Variants in MIR2052HG observed in about 807,000 individuals in gnomAD.
MIR2052HG encodes MIR2052 host gene.
chr8:74,642,247 G>A (rs951675899), intron 2 of MIR2052HG, among the ~76,000 whole-genome samples: 15 of 151,992 alleles, frequency 9.9e-5, no homozygotes, highest in Non-Finnish European at 4.4e-5. Context: ...GATCACAGTG[G>A]TTAATGTGCG....
At chr8:74,713,216 T>A (rs146167644) in intron 4 of MIR2052HG, among the ~76,000 whole-genome samples, 4 of 152,346 alleles carry the variant, frequency 2.6e-5, no homozygotes, top group Non-Finnish European at 5.9e-5. Context: ...GGTGTTATAA[T>A]TTGAAATGCA....
intron 4 of MIR2052HG, among the ~76,000 whole-genome samples, chr8:74,750,091 A>G (rs1809928887): frequency 6.6e-6 from 1 of 152,176 alleles, no homozygotes; most frequent in African/African-American, 2.4e-5. Flanking sequence ...AATGGTGACT[A>G]TATTGAAATG....
At chr8:74,603,602 C>T in intron 1 of MIR2052HG, 3 of 1,540,950 alleles carry the variant, frequency 1.9e-6, no homozygotes, top group East Asian at 2.2e-5. Flanking sequence ...TGTTGCATTG[C>T]CAACTGGTGC....
rs1366489081 is a variant in MIR2052HG at position 74,657,103 on chromosome 8, A to G, written n.216+44163A>G. 2.6e-5 allele frequency among the ~76,000 whole-genome samples: 4 copies of G among 152,166 alleles called. No individual in the cohort carries two copies. In the East Asian group the frequency reaches 7.7e-4, roughly 29 times the overall value. On this transcript the variant is annotated intron_variant and non_coding_transcript_variant, in intron 2 of 6. Transcript: ENST00000523442. ...ACTGCAGCATACAGGGAGAGTACTC[A>G]TTACCCAGGCAGTGGTTACCCTTTC... is the stretch of plus-strand genomic sequence containing the variant.
intron 1 of MIR2052HG, among the ~76,000 whole-genome samples, chr8:74,605,391 A>G (rs946391908): frequency 6.6e-6 from 1 of 152,198 alleles, no homozygotes; most frequent in African/African-American, 2.4e-5. Context: ...GGCATTTCAC[A>G]ATGAAGTATT....
chr8:74,611,234 A>G (rs746424049), intron 1 of MIR2052HG, among the ~76,000 whole-genome samples: 3 of 152,144 alleles, frequency 2.0e-5, no homozygotes, highest in African/African-American at 7.2e-5. Flanking sequence ...TCAATTTTTC[A>G]TTAGGGAAAT....
intron 4 of MIR2052HG, among the ~76,000 whole-genome samples, chr8:74,706,062 A>G (rs1033765712): frequency 2.6e-5 from 4 of 152,108 alleles, no homozygotes; most frequent in Non-Finnish European, 5.9e-5. Context: ...CACATGTGTT[A>G]ACTGTTCAGC....
chr8:74,679,951 T>A (rs1809101861), intron 2 of MIR2052HG, among the ~76,000 whole-genome samples: 1 of 152,158 alleles, frequency 6.6e-6, no homozygotes, highest in South Asian at 2.1e-4. Context: ...TAATGTAGGT[T>A]CTACTAGCAA....
chr8:74,661,026 C>T (rs1808858761), intron 2 of MIR2052HG, among the ~76,000 whole-genome samples: 1 of 152,050 alleles, frequency 6.6e-6, no homozygotes, highest in African/African-American at 2.4e-5. Context: ...CAAAAATCTG[C>T]TCTGTCAGCA....
At chr8:74,659,637 G>C (rs1297052499) in intron 2 of MIR2052HG, among the ~76,000 whole-genome samples, 18 of 152,080 alleles carry the variant, frequency 1.2e-4, no homozygotes. Context: ...GTAGATATGG[G>C]ATCTCACTAT....
chr8:74,713,437 A>G (rs1278578882), intron 4 of MIR2052HG, among the ~76,000 whole-genome samples: 1 of 151,776 alleles, frequency 6.6e-6, no homozygotes, highest in Non-Finnish European at 1.5e-5. Flanking sequence ...CAAAATCCGC[A>G]CCTTTTTTTC....
chr8:74,602,236 C>T (rs990509016), intron 1 of MIR2052HG, among the ~76,000 whole-genome samples: 1 of 152,152 alleles, frequency 6.6e-6, no homozygotes, highest in African/African-American at 2.4e-5. Context: ...TTTGATCATC[C>T]TCACTGCTTA....
intron 4 of MIR2052HG, among the ~76,000 whole-genome samples, chr8:74,735,564 A>G (rs934471144): frequency 1.3e-5 from 2 of 152,204 alleles, no homozygotes; most frequent in Non-Finnish European, 2.9e-5. Flanking sequence ...CCTGCTGCTC[A>G]GTTGTGCTTG....
At chr8:74,750,330 G>T (rs1006312167) in intron 4 of MIR2052HG, among the ~76,000 whole-genome samples, 3 of 152,116 alleles carry the variant, frequency 2.0e-5, no homozygotes, top group Non-Finnish European at 4.4e-5. Flanking sequence ...CAGTTATGTA[G>T]GTGCAATTGA....
At chr8:74,686,722 A>T (rs1809185621) in intron 2 of MIR2052HG, among the ~76,000 whole-genome samples, 1 of 152,094 alleles carries the variant, frequency 6.6e-6, no homozygotes, top group Non-Finnish European at 1.5e-5. Context: ...TCCATAGATT[A>T]TTCTGTAAAC....
At chr8:74,703,409 G>A (rs917513825) in intron 3 of MIR2052HG, among the ~76,000 whole-genome samples, 1 of 151,984 alleles carries the variant, frequency 6.6e-6, no homozygotes, top group African/African-American at 2.4e-5. Flanking sequence ...ACTAGGGAAT[G>A]GGAAATACCT....
chr8:74,741,161 T>G (rs992789585), intron 4 of MIR2052HG, among the ~76,000 whole-genome samples: 1 of 152,220 alleles, frequency 6.6e-6, no homozygotes, highest in African/African-American at 2.4e-5. Flanking sequence ...CTTTGAATGA[T>G]TTAAAGCCAA....
intron 1 of MIR2052HG, among the ~76,000 whole-genome samples, chr8:74,600,321 A>C (rs1298697594): frequency 1.3e-5 from 2 of 150,050 alleles, no homozygotes; most frequent in African/African-American, 4.9e-5. Context: ...ATGGTGGCTC[A>C]CACCTGTAAT....
intron 1 of MIR2052HG, among the ~76,000 whole-genome samples, chr8:74,600,443 C>T (rs191305752): frequency 6.3e-4 from 96 of 151,182 alleles, no homozygotes; most frequent in African/African-American, 2.2e-3. Context: ...ATTAGCCGGG[C>T]GTGGTTGCAC....
Sources: gnomAD v4.1 joint callset for allele counts (sites outside exome capture counted in the v4.1 genomes callset) on GRCh38, gnomAD v4.1.1 for gene constraint, MANE v1.5 for transcripts, NCBI Gene and HGNC (gene_info 2026-07-23, HGNC 2026-07-21) for gene names.